The following PCED1B variants were observed in gnomAD, a reference collection of about 807,000 sequenced individuals.
PCED1B encodes PC-esterase domain containing 1B, also known as PC-esterase domain-containing protein 1B.
For missense variants in PCED1B, 573 were observed against 573.9 expected, an observed-to-expected ratio of 1.00 and a Z score of 0.02; for synonymous variants, 251 against 246.1, an observed-to-expected ratio of 1.02 and a Z score of -0.19.
chr12:47,188,011 C>T (rs947556436), intron 2 of PCED1B: 2 of 153,962 alleles, frequency 1.3e-5, no homozygotes, highest in African/African-American at 4.8e-5. Flanking sequence ...AGTTCTTTGC[C>T]CTATAGCTGC....
chr12:47,203,348 G>A (rs549834864), intron 2 of PCED1B, among the ~76,000 whole-genome samples: 2 of 152,136 alleles, frequency 1.3e-5, no homozygotes, highest in East Asian at 3.9e-4. Context: ...AGGTTGTGCA[G>A]TTTCGTTACA....
intron 2 of PCED1B, among the ~76,000 whole-genome samples, chr12:47,200,586 C>T (rs952984510): frequency 2.0e-5 from 3 of 152,198 alleles, no homozygotes; most frequent in African/African-American, 7.2e-5. Context: ...CAATCGTACT[C>T]CCATTTACCC....
At chr12:47,172,340 CTTTTTTTTT>C (rs34230051) in intron 2 of PCED1B, among the ~76,000 whole-genome samples, 4 of 78,352 alleles carry the variant, frequency 5.1e-5, no homozygotes, top group East Asian at 8.3e-4. Flanking sequence ...TCGTGGGTTG[CTTTTTTTTT>C]TTTTTTTTTT....
chr12:47,215,357 G>A (rs1042930841), intron 2 of PCED1B, among the ~76,000 whole-genome samples: 1 of 151,372 alleles, frequency 6.6e-6, no homozygotes, highest in African/African-American at 2.4e-5. Context: ...GGGTTCAAGC[G>A]ATTCTCCTGC....
In PCED1B at chr12:47,104,667, G is replaced by T. The variant is rs114609337; in HGVS notation, c.-526+472G>T. ...AAACCCAAGTAGTCATACCTCTAGG[G>T]CCTTAGGGAATTCAACTTTCACCAA... On this transcript the variant is annotated intron_variant, in intron 2 of 3. Coordinates refer to ENST00000546455, the MANE Select transcript of PCED1B (RefSeq NM_138371.3). Among the ~76,000 whole-genome samples, 913 of 152,264 alleles carry T rather than the reference G, an allele frequency of 6.0e-3. 8 individuals carry two copies. Among genetic ancestry groups the T allele is most frequent in the African/African-American group, 0.02 (835 of 41,534 alleles).
intron 2 of PCED1B, among the ~76,000 whole-genome samples, chr12:47,185,792 C>CAAAA (rs58425348): frequency 7.4e-6 from 1 of 136,054 alleles, no homozygotes; most frequent in Non-Finnish European, 1.6e-5. Flanking sequence ...GACTCAGTCT[C>CAAAA]AAAAAAAAAA....
intron 1 of PCED1B, among the ~76,000 whole-genome samples, chr12:47,082,968 T>C (rs1027832897): frequency 6.7e-6 from 1 of 150,356 alleles, no homozygotes; most frequent in Non-Finnish European, 1.5e-5. Flanking sequence ...GATAGTAGAA[T>C]GTGGCTTGAC....
chr12:47,107,144 G>A (rs1269762440), intron 2 of PCED1B, among the ~76,000 whole-genome samples: 4 of 152,198 alleles, frequency 2.6e-5, no homozygotes, highest in African/African-American at 9.7e-5. Flanking sequence ...AGGGGTGGGC[G>A]AGTGTCAACC....
At chr12:47,148,295 A>G (rs1266823476) in intron 2 of PCED1B, among the ~76,000 whole-genome samples, 1 of 152,206 alleles carries the variant, frequency 6.6e-6, no homozygotes, top group Non-Finnish European at 1.5e-5. Context: ...AAATTTTATT[A>G]TGATTTTAGA....
Position 47,180,094 on chromosome 12 carries a change from C to A in PCED1B, c.-525-36128C>A, listed in dbSNP as rs556887506. ...AGCTGTTCTTCCTGATCTTCTCTCTCCTCACACCCCCCAACAGGCCCCAGT... is the reference window on the plus strand; with the variant it reads ...AGCTGTTCTTCCTGATCTTCTCTCTACTCACACCCCCCAACAGGCCCCAGT... On this transcript the variant is annotated intron_variant, in intron 2 of 3. Transcript: ENST00000546455. 2.0e-5 allele frequency among the ~76,000 whole-genome samples: 3 copies of A among 152,292 alleles called. No homozygotes were observed. The East Asian group carries it at 5.8e-4, about 29-fold the overall frequency.
intron 2 of PCED1B, among the ~76,000 whole-genome samples, chr12:47,133,688 G>A (rs547417350): frequency 2.0e-5 from 3 of 152,274 alleles, no homozygotes; most frequent in South Asian, 4.1e-4. Flanking sequence ...ACTTGTCAGG[G>A]CAAGGGAAAG....
chr12:47,126,177 A>T (rs1194574938), intron 2 of PCED1B, among the ~76,000 whole-genome samples: 1 of 152,180 alleles, frequency 6.6e-6, no homozygotes, highest in Non-Finnish European at 1.5e-5. Flanking sequence ...TTTCAGGTTG[A>T]GGACTTTCCC....
chr12:47,202,594 TAAAAAAAAAAAAAAAAAAAAAAAAAG>T (rs1942796712), intron 2 of PCED1B, among the ~76,000 whole-genome samples: 1 of 66,676 alleles, frequency 1.5e-5, no homozygotes, highest in South Asian at 4.7e-4. Flanking sequence ...TAGACATTAG[TAAAAAAAAAAAAAAAAAAAAAAAAAG>T]AAAAAAGAAA....
rs186624586 is a variant in PCED1B at position 47,185,512 on chromosome 12, G to A, written c.-525-30710G>A. Reference sequence around the variant, plus strand: ...ATTAGACTGCATATTAGAGTGGCCCGGCACGGTGGCTCACACCTGTAATCC... The same window carrying A: ...ATTAGACTGCATATTAGAGTGGCCCAGCACGGTGGCTCACACCTGTAATCC... On this transcript the variant is annotated intron_variant, in intron 2 of 3. Transcript: ENST00000546455. Among the ~76,000 whole-genome samples, 523 of 152,286 alleles carry A rather than the reference G, an allele frequency of 3.4e-3. 4 individuals are homozygous for A. The highest frequency in any genetic ancestry group is 0.012 in the African/African-American group (487 of 41,556).
chr12:47,218,075 C>T (rs1204988189), intron 3 of PCED1B, among the ~76,000 whole-genome samples: 1 of 152,196 alleles, frequency 6.6e-6, no homozygotes, highest in Non-Finnish European at 1.5e-5. Flanking sequence ...TAGCAGCGAA[C>T]ATCTGTAGAG....
chr12:47,086,401 GAATC>G (rs1273923876), intron 1 of PCED1B, among the ~76,000 whole-genome samples: 2 of 111,700 alleles, frequency 1.8e-5, no homozygotes, highest in Non-Finnish European at 3.8e-5. Context: ...ACAGGAAAAA[GAATC>G]AAAGAATGAA....
intron 1 of PCED1B, among the ~76,000 whole-genome samples, chr12:47,099,858 C>G (rs2137212311): frequency 6.6e-6 from 1 of 152,330 alleles, no homozygotes; most frequent in African/African-American, 2.4e-5. Flanking sequence ...GCACCTCCAG[C>G]ATCAGCCCAC....
chr12:47,103,997 A>G (rs2137231427), intron 1 of PCED1B, 116 bp from the exon 2 acceptor site: 1 of 152,338 alleles, frequency 6.6e-6, no homozygotes, highest in South Asian at 2.1e-4. Context: ...TTTAGTGATT[A>G]TCACATCCAT....
intron 3 of PCED1B, among the ~76,000 whole-genome samples, chr12:47,220,644 C>A (rs560492859): frequency 1.3e-5 from 2 of 152,288 alleles, no homozygotes; most frequent in South Asian, 2.1e-4. Context: ...CTGAGGGGTA[C>A]AAGGATGGGT....
Sources: allele counts gnomAD v4.1 joint callset (sites outside exome capture counted in the v4.1 genomes callset), GRCh38; gene constraint gnomAD v4.1.1; transcripts MANE v1.5; gene names NCBI Gene and HGNC (gene_info 2026-07-23, HGNC 2026-07-21).